CDH1: variants seen among roughly 807,000 people sequenced by gnomAD.
CDH1 encodes cadherin 1, also known as cadherin-1.
CDH1 carries 35 observed loss-of-function variants against 84.5 expected under a neutral mutation model. The ratio of observed to expected loss-of-function variants is 0.41; its 90% CI spans 0.32 to 0.55. The LOEUF (loss-of-function observed/expected upper bound fraction) is 0.55. Ranked by LOEUF, CDH1 falls within the 20% of genes least tolerant of loss-of-function variation. The pLI is 0.19. For synonymous variants in CDH1, 417 were observed against 439.0 expected (o/e 0.95, Z 0.63); for missense variants, 994 against 1,126.6 (o/e 0.88, Z 1.68).
chr16:68,765,138 A>G (rs189990156), intron 2 of CDH1: 7 of 152,300 alleles, frequency 4.6e-5, no homozygotes, highest in African/African-American at 1.4e-4. Context: ...GGTTGGGCCA[A>G]CTGAGAATTT....
chr16:68,742,314 C>T (rs910769731), intron 2 of CDH1, among the ~76,000 whole-genome samples: 1 of 150,694 alleles, frequency 6.6e-6, no homozygotes. Flanking sequence ...GAGTCTCGCT[C>T]TGTTGCCCAG....
rs1229923761 is a variant in CDH1 at position 68,815,796 on chromosome 16, T to A, written c.1565+37T>A. On this transcript the variant is annotated intron_variant, in intron 10 of 15. Coordinates refer to ENST00000261769, the MANE Select transcript of CDH1 (RefSeq NM_004360.5). ...GATTTTTCAACTGACTTGCAGCAAC[T>A]GGTTATTTTATATCATTTTATATGT... 3 of 1,611,324 alleles carry A rather than the reference T, an allele frequency of 1.9e-6. No homozygotes were observed. The African/African-American group carries it at 4.0e-5, about 22-fold the overall frequency.
intron 2 of CDH1, among the ~76,000 whole-genome samples, chr16:68,750,655 C>T (rs761828581): frequency 1.3e-5 from 2 of 151,476 alleles, no homozygotes; most frequent in Non-Finnish European, 2.9e-5. Context: ...AAGAAGAGCA[C>T]CTGATTCTGT....
chr16:68,743,355 C>CTT (rs370518691), intron 2 of CDH1, among the ~76,000 whole-genome samples: 1 of 26,170 alleles, frequency 3.8e-5, no homozygotes, highest in African/African-American at 1.3e-4. Flanking sequence ...TTCTTTCTTT[C>CTT]TTTCTTTCTT....
At chr16:68,753,765 G>A (rs994664921) in intron 2 of CDH1, among the ~76,000 whole-genome samples, 2 of 152,070 alleles carry the variant, frequency 1.3e-5, no homozygotes, top group Admixed American at 6.6e-5. Context: ...TCAGATAAAC[G>A]ATGGCTAATA....
At chr16:68,749,852 C>T (rs926482248) in intron 2 of CDH1, among the ~76,000 whole-genome samples, 24 of 152,186 alleles carry the variant, frequency 1.6e-4, no homozygotes, top group Admixed American at 9.2e-4. Context: ...CTAAAGGAAA[C>T]GCCAAACTCA....
chr16:68,778,262 G>C (rs1255701565), intron 2 of CDH1, among the ~76,000 whole-genome samples: 1 of 151,984 alleles, frequency 6.6e-6, no homozygotes, highest in Non-Finnish European at 1.5e-5. Context: ...TGGCCAGGCT[G>C]GTCTCGAATT....
intron 3 of CDH1, among the ~76,000 whole-genome samples, chr16:68,803,091 T>TG (rs1960559070): frequency 6.6e-6 from 1 of 152,178 alleles, no homozygotes; most frequent in Non-Finnish European, 1.5e-5. Flanking sequence ...CTGGGGGATA[T>TG]TCTGGTTGTG....
At chr16:68,795,450 A>G (rs528396865) in intron 2 of CDH1, among the ~76,000 whole-genome samples, 46 of 152,300 alleles carry the variant, frequency 3.0e-4, no homozygotes, top group Admixed American at 7.8e-4. Context: ...GTGAGATTAC[A>G]GGTATGAGCC....
At chr16:68,829,551 G>A in intron 14 of CDH1, 103 bp from the exon 15 acceptor site, 2 of 1,146,624 alleles carry the variant, frequency 1.7e-6, no homozygotes, top group Non-Finnish European at 2.6e-6. Context: ...ACAGTTGGCA[G>A]TGAAGGCATC....
At chr16:68,816,297 C>T (rs1960985553) in intron 10 of CDH1, among the ~76,000 whole-genome samples, 1 of 152,186 alleles carries the variant, frequency 6.6e-6, no homozygotes, top group Admixed American at 6.5e-5. Context: ...CAGGCGTGAG[C>T]CACCGCACCC....
At chr16:68,769,424 G>T (rs1959481080) in intron 2 of CDH1, among the ~76,000 whole-genome samples, 1 of 151,632 alleles carries the variant, frequency 6.6e-6, no homozygotes. Flanking sequence ...TTGTACCGTG[G>T]CCTATCAGGT....
intron 2 of CDH1, among the ~76,000 whole-genome samples, chr16:68,778,162 C>T (rs371747777): frequency 2.6e-5 from 4 of 152,188 alleles, no homozygotes; most frequent in African/African-American, 9.6e-5. Flanking sequence ...ATTCTCCTGC[C>T]TTAGCTTCCC....
chr16:68,794,571 G>GCCTCCAACTCC (rs1960303611), intron 2 of CDH1, among the ~76,000 whole-genome samples: 5 of 151,412 alleles, frequency 3.3e-5, no homozygotes, highest in Non-Finnish European at 1.5e-5. Context: ...CTAGGGTGGA[G>GCCTCCAACTCC]TGTGGTGGTA....
intron 2 of CDH1, among the ~76,000 whole-genome samples, chr16:68,748,963 C>T (rs548685171): frequency 1.3e-5 from 2 of 152,356 alleles, no homozygotes; most frequent in African/African-American, 4.8e-5. Flanking sequence ...CCTCACCCTC[C>T]TGAGTAGCTG....
intron 2 of CDH1, among the ~76,000 whole-genome samples, chr16:68,751,259 C>A (rs1396067265): frequency 6.6e-6 from 1 of 152,158 alleles, no homozygotes; most frequent in African/African-American, 2.4e-5. Flanking sequence ...TGTCCTTTGA[C>A]TCATGTACCT....
At chr16:68,740,090 A>C (rs147075625) in intron 2 of CDH1, among the ~76,000 whole-genome samples, 16 of 150,018 alleles carry the variant, frequency 1.1e-4, no homozygotes, top group African/African-American at 3.7e-4. Context: ...GTTTCACTGA[A>C]TCCCAAGTGC....
chr16:68,759,217 A>AG (rs1963095107), intron 2 of CDH1, among the ~76,000 whole-genome samples: 1 of 151,888 alleles, frequency 6.6e-6, no homozygotes, highest in Non-Finnish European at 1.5e-5. Context: ...GTGGGATTAC[A>AG]GGGGGCACAG....
intron 2 of CDH1, among the ~76,000 whole-genome samples, chr16:68,779,597 T>C (rs1959820586): frequency 6.6e-6 from 1 of 152,218 alleles, no homozygotes; most frequent in Non-Finnish European, 1.5e-5. Context: ...GGCTCACACC[T>C]GTAATCCCAG....
Sources: allele counts gnomAD v4.1 joint callset (sites outside exome capture counted in the v4.1 genomes callset), GRCh38; gene constraint gnomAD v4.1.1; transcripts MANE v1.5; gene names NCBI Gene and HGNC (gene_info 2026-07-23, HGNC 2026-07-21).